Variants in NRG1 observed in about 807,000 individuals in gnomAD.
The protein encoded by NRG1 is pro-neuregulin-1, membrane-bound isoform.
NRG1 carries 18 observed loss-of-function variants against 63.8 expected under a neutral mutation model. The observed-to-expected ratio is 0.28, with a 90% CI of 0.19 to 0.42. The LOEUF (loss-of-function observed/expected upper bound fraction) is 0.42, where lower values mean the gene tolerates loss of function less well. NRG1 is among the 10% of genes least tolerant of loss of function. The pLI, the probability that NRG1 is intolerant of heterozygous loss-of-function variation, is 1.00. For synonymous variants in NRG1, 302 were observed against 301.3 expected (o/e 1.00, Z -0.02); for missense variants, 762 against 814.7 (o/e 0.94, Z 0.79).
At chr8:31,778,308 G>A (rs774731138) in intron 1 of NRG1, among the ~76,000 whole-genome samples, 8 of 152,090 alleles carry the variant, frequency 5.3e-5, no homozygotes, top group Non-Finnish European at 8.8e-5. Flanking sequence ...AGTCTAGGGC[G>A]ATCCTGGTGG....
intron 1 of NRG1, among the ~76,000 whole-genome samples, chr8:32,302,974 G>A (rs2129475299): frequency 6.6e-6 from 1 of 152,128 alleles, no homozygotes; most frequent in African/African-American, 2.4e-5. Context: ...CTGAGGTCAG[G>A]AGTTCGAGAC....
chr8:32,052,152 C>T (rs976687025), intron 1 of NRG1, among the ~76,000 whole-genome samples: 1 of 151,834 alleles, frequency 6.6e-6, no homozygotes, highest in African/African-American at 2.4e-5. Flanking sequence ...GTCTGAGACA[C>T]AGGAGAGAAT....
intron 1 of NRG1, among the ~76,000 whole-genome samples, chr8:32,190,173 G>GTATTAT (rs376743930): frequency 0.023 from 3,462 of 150,102 alleles, 141 homozygotes; most frequent in African/African-American, 0.08. Flanking sequence ...TTATCAAAAT[G>GTATTAT]TATTATTATT....
intron 1 of NRG1, among the ~76,000 whole-genome samples, chr8:32,175,096 A>G (rs1474118294): frequency 6.6e-6 from 1 of 152,226 alleles, no homozygotes; most frequent in Non-Finnish European, 1.5e-5. Context: ...AATACTAGCA[A>G]ACTGAATCCA....
At chr8:31,682,423 A>G (rs2131069874) in intron 1 of NRG1, among the ~76,000 whole-genome samples, 1 of 152,318 alleles carries the variant, frequency 6.6e-6, no homozygotes, top group South Asian at 2.1e-4. Flanking sequence ...GAAATAACTC[A>G]GAGGTTCGTT....
intron 1 of NRG1, among the ~76,000 whole-genome samples, chr8:32,187,913 T>C (rs1416771675): frequency 6.6e-6 from 1 of 152,190 alleles, no homozygotes; most frequent in Non-Finnish European, 1.5e-5. Context: ...CACCTCCTCC[T>C]TGGTATGCCA....
At chr8:31,911,571 C>A (rs1268922913) in intron 1 of NRG1, among the ~76,000 whole-genome samples, 2 of 152,136 alleles carry the variant, frequency 1.3e-5, no homozygotes, top group Non-Finnish European at 2.9e-5. Flanking sequence ...GCAACAGACT[C>A]TGGGTCTTAC....
At chr8:32,598,440 G>T (rs1198164927) in intron 2 of NRG1, among the ~76,000 whole-genome samples, 1 of 152,050 alleles carries the variant, frequency 6.6e-6, no homozygotes, top group East Asian at 1.9e-4. Flanking sequence ...GAGGTAATTT[G>T]TTACCTGGCT....
intron 1 of NRG1, among the ~76,000 whole-genome samples, chr8:31,850,628 T>A (rs1222653796): frequency 6.6e-6 from 1 of 152,196 alleles, no homozygotes; most frequent in East Asian, 1.9e-4. Flanking sequence ...CTCTCTTGCC[T>A]CTCTTCTTAG....
chr8:32,108,170 G>A (rs1403949516), intron 1 of NRG1, among the ~76,000 whole-genome samples: 2 of 152,128 alleles, frequency 1.3e-5, no homozygotes, highest in East Asian at 3.9e-4. Flanking sequence ...CCCGAAACCT[G>A]TCAGTATGCT....
chr8:32,033,509 A>G (rs960045064), intron 1 of NRG1, among the ~76,000 whole-genome samples: 2 of 152,164 alleles, frequency 1.3e-5, no homozygotes, highest in Admixed American at 1.3e-4. Context: ...TTTAATGGAA[A>G]TAGTATTGAA....
chr8:31,860,648 G>C (rs1828387881), intron 1 of NRG1, among the ~76,000 whole-genome samples: 1 of 152,096 alleles, frequency 6.6e-6, no homozygotes, highest in African/African-American at 2.4e-5. Flanking sequence ...CTCTCCACAA[G>C]TCAGGGCAAA....
At chr8:31,925,963 T>A (rs1041903514) in intron 1 of NRG1, among the ~76,000 whole-genome samples, 4 of 152,214 alleles carry the variant, frequency 2.6e-5, no homozygotes, top group Admixed American at 6.6e-5. Context: ...TGGTTTTCAG[T>A]CATTTGATTT....
intron 1 of NRG1, among the ~76,000 whole-genome samples, chr8:32,361,365 C>G (rs1318084189): frequency 6.6e-6 from 1 of 152,066 alleles, no homozygotes; most frequent in East Asian, 1.9e-4. Flanking sequence ...CTCCCCTGAC[C>G]TTAAGCTTGC....
At chr8:31,877,294 C>A (rs1830003591) in intron 1 of NRG1, among the ~76,000 whole-genome samples, 1 of 152,110 alleles carries the variant, frequency 6.6e-6, no homozygotes. Flanking sequence ...AGTGTTATAA[C>A]AAGCAAGTTG....
Position 32,548,835 on chromosome 8 carries a change from G to A in NRG1, c.100+9G>A. The A allele has an allele frequency of 6.4e-7, 1 of 1,554,726 alleles. No individual in the cohort carries two copies. Among genetic ancestry groups the A allele is most frequent in the Non-Finnish European group, 8.7e-7 (1 of 1,152,378 alleles). On this transcript the variant is annotated intron_variant, in intron 1 of 11. Coordinates refer to ENST00000356819, the Ensembl canonical transcript of NRG1. ...GGGCAGCCAGAGCCCAGGTGGGTGC[G>A]CAGCGCGGCCCGGGCCCCACGATCC...
chr8:32,603,743 G>A (rs548262245), intron 2 of NRG1, among the ~76,000 whole-genome samples: 11 of 152,228 alleles, frequency 7.2e-5, no homozygotes, highest in African/African-American at 2.4e-4. Flanking sequence ...CCAAAGTGCT[G>A]GGATTACAGG....
chr8:32,146,263 T>C (rs1431365254), intron 1 of NRG1, among the ~76,000 whole-genome samples: 6 of 152,218 alleles, frequency 3.9e-5, no homozygotes, highest in Admixed American at 1.3e-4. Context: ...CTAAGAGAAC[T>C]TGTGAAAGGT....
intron 1 of NRG1, among the ~76,000 whole-genome samples, chr8:32,138,214 T>C (rs970276095): frequency 2.6e-5 from 4 of 151,986 alleles, no homozygotes; most frequent in African/African-American, 9.7e-5. Context: ...AGTGAGTGGA[T>C]TTAAACATCA....
Sources: allele counts gnomAD v4.1 joint callset (sites outside exome capture counted in the v4.1 genomes callset), GRCh38; gene constraint gnomAD v4.1.1; transcripts MANE v1.5; gene names NCBI Gene and HGNC (gene_info 2026-07-23, HGNC 2026-07-21).